The following LRRIQ1 variants were observed in gnomAD, a reference collection of about 807,000 sequenced individuals.
LRRIQ1 encodes leucine-rich repeat- and IQ domain-containing protein 1.
Under a neutral mutation model 211.9 loss-of-function variants are expected in LRRIQ1, and 210 were observed. The ratio of observed to expected loss-of-function variants is 0.99; its 90% confidence interval spans 0.89 to 1.11. LRRIQ1 has a LOEUF of 1.11. LRRIQ1 is among the 50% of genes most tolerant of loss of function. The probability of loss-of-function intolerance (pLI) is 0.00; values close to 1 mark genes in which losing one functional copy is unlikely to be tolerated. For missense variants in LRRIQ1, 2,136 were observed against 1,939.5 expected (o/e 1.10, Z -1.90); for synonymous variants, 699 against 650.1 (o/e 1.08, Z -1.14).
intron 24 of LRRIQ1, among the ~76,000 whole-genome samples, chr12:85,195,909 T>C (rs1460306898): frequency 6.6e-6 from 1 of 151,536 alleles, no homozygotes; most frequent in South Asian, 2.1e-4. Context: ...GACGACGTGA[T>C]TGTATATCTA....
At chr12:85,145,697 C>T (rs912210000) in intron 19 of LRRIQ1, among the ~76,000 whole-genome samples, 16 of 151,764 alleles carry the variant, frequency 1.1e-4, no homozygotes, top group South Asian at 8.3e-4. Flanking sequence ...GTCTTCTAAA[C>T]GGCTGTTAGC....
chr12:85,233,131 TA>T lies in LRRIQ1; in HGVS notation c.5016+381del, dbSNP rs1895024866. The T allele has an allele frequency of 1.4e-5, 3 of 218,780 alleles. No individual in the cohort carries two copies. In the South Asian group the frequency reaches 2.0e-4, roughly 15 times the overall value. 13.6% of individuals were successfully genotyped at this position (218,780 alleles called of 1,614,324 possible). A position where few individuals can be genotyped will look rare whatever the true frequency, so the allele number is the denominator to read the frequency against. ...TCATTACTCAGAAAATCCAACCATATAAAAAATTAACAAATAATTGTGAGCT... is the reference window on the plus strand; with the variant it reads ...TCATTACTCAGAAAATCCAACCATATAAAAATTAACAAATAATTGTGAGCT... On this transcript the variant is annotated intron_variant, in intron 26 of 26. Transcript: ENST00000393217.
chr12:85,039,759 T>C lies in LRRIQ1; in HGVS notation c.133-731T>C, dbSNP rs113207293. 3.9e-3 allele frequency among the ~76,000 whole-genome samples: 591 copies of C among 151,734 alleles called. 3 individuals carry two copies. Among genetic ancestry groups the C allele is most frequent in the African/African-American group, 0.013 (560 of 41,544 alleles). On this transcript the variant is annotated intron_variant, in intron 2 of 26. Coordinates refer to ENST00000393217, the MANE Select transcript of LRRIQ1 (RefSeq NM_001079910.2). Reference sequence around the variant, plus strand: ...TATAGAAGCATTTATATCGTTTCATTGATGCCATGCTTGAGGTCCCTCAGT... The same window carrying C: ...TATAGAAGCATTTATATCGTTTCATCGATGCCATGCTTGAGGTCCCTCAGT...
intron 18 of LRRIQ1, among the ~76,000 whole-genome samples, chr12:85,135,007 A>G (rs998725743): frequency 2.6e-5 from 4 of 152,006 alleles, no homozygotes; most frequent in South Asian, 2.1e-4. Flanking sequence ...AATAACAATT[A>G]TTTTTCACTA....
chr12:85,195,005 C>G (rs1892818230), intron 24 of LRRIQ1, among the ~76,000 whole-genome samples: 1 of 152,004 alleles, frequency 6.6e-6, no homozygotes, highest in African/African-American at 2.4e-5. Flanking sequence ...ACCACCGATC[C>G]CACAGAAATA....
intron 3 of LRRIQ1, among the ~76,000 whole-genome samples, chr12:85,044,437 A>G (rs1592687941): frequency 6.6e-6 from 1 of 152,096 alleles, no homozygotes; most frequent in African/African-American, 2.4e-5. Flanking sequence ...CAAGCCAGGC[A>G]TGATCCTTTT....
intron 11 of LRRIQ1, among the ~76,000 whole-genome samples, chr12:85,083,275 C>T (rs1884483519): frequency 6.6e-6 from 1 of 152,064 alleles, no homozygotes; most frequent in Non-Finnish European, 1.5e-5. Context: ...TCTCTCTTTG[C>T]TTGCCATATT....
intron 26 of LRRIQ1, among the ~76,000 whole-genome samples, chr12:85,233,845 T>G (rs1895061695): frequency 6.6e-6 from 1 of 152,154 alleles, no homozygotes. Context: ...CACATATTAT[T>G]GATTAACACT....
At chr12:85,135,315 G>GT (rs895753971) in intron 18 of LRRIQ1, among the ~76,000 whole-genome samples, 4,552 of 146,478 alleles carry the variant, frequency 0.031, 90 homozygotes, top group Non-Finnish European at 0.048. Context: ...TCTGATTCAG[G>GT]TTTTTTTTTT....
chr12:85,209,470 G>C (rs1893731491), intron 24 of LRRIQ1, among the ~76,000 whole-genome samples: 1 of 152,182 alleles, frequency 6.6e-6, no homozygotes, highest in South Asian at 2.1e-4. Context: ...GGGATTATGG[G>C]AACTACAATT....
Position 85,217,506 on chromosome 12 carries a change from ATATGTGTGTGTGTGTG to A in LRRIQ1, c.4823-12009_4823-11994del, listed in dbSNP as rs1213359677. ...TATATATATATGTATATATATATAT[ATATGTGTGTGTGTGTG>A]TGTGTGTGTGTGTGTGTGTGTGTGT... On this transcript the variant is annotated intron_variant, in intron 24 of 26. Transcript: ENST00000393217. 5.1e-3 allele frequency among the ~76,000 whole-genome samples: 355 copies of A among 69,710 alleles called. 1 individual carries two copies. Among genetic ancestry groups the A allele is most frequent in the African/African-American group, 0.023 (172 of 7,494 alleles). The allele number at this position is 69,710 out of a possible 152,430, so 45.7% of individuals were successfully genotyped here.
intron 24 of LRRIQ1, among the ~76,000 whole-genome samples, chr12:85,217,510 G>GTATATATATATATATA (rs1894174511): frequency 2.5e-5 from 1 of 39,922 alleles, no homozygotes; most frequent in Non-Finnish European, 4.2e-5. Context: ...ATATATATAT[G>GTATATATATATATATA]TGTGTGTGTG....
chr12:85,147,991 T>G (rs1482059415), intron 19 of LRRIQ1, among the ~76,000 whole-genome samples: 1 of 151,666 alleles, frequency 6.6e-6, no homozygotes, highest in Non-Finnish European at 1.5e-5. Context: ...AAACCAGAAG[T>G]GATGTCTCCA....
chr12:85,105,500 G>C (rs1008684753), intron 14 of LRRIQ1, among the ~76,000 whole-genome samples: 1 of 151,658 alleles, frequency 6.6e-6, no homozygotes, highest in African/African-American at 2.4e-5. Context: ...TTTACATTTT[G>C]TTTTCTTTGG....
chr12:85,105,227 C>T (rs1041783918), intron 14 of LRRIQ1, among the ~76,000 whole-genome samples: 18 of 151,848 alleles, frequency 1.2e-4, no homozygotes, highest in East Asian at 1.9e-4. Context: ...TTAATTTTTT[C>T]GTTATTTTTG....
intron 24 of LRRIQ1, among the ~76,000 whole-genome samples, chr12:85,199,121 C>A (rs1371833450): frequency 6.6e-6 from 1 of 151,832 alleles, no homozygotes; most frequent in Non-Finnish European, 1.5e-5. Flanking sequence ...TTTAATTAGG[C>A]CCCATTTATT....
chr12:85,177,376 G>T (rs1456013135), intron 24 of LRRIQ1, among the ~76,000 whole-genome samples: 2 of 152,078 alleles, frequency 1.3e-5, no homozygotes, highest in African/African-American at 2.4e-5. Flanking sequence ...TAACACAAAT[G>T]AGTAAAGGTC....
intron 11 of LRRIQ1, among the ~76,000 whole-genome samples, chr12:85,084,652 A>G (rs1438389458): frequency 6.6e-6 from 1 of 152,112 alleles, no homozygotes; most frequent in African/African-American, 2.4e-5. Context: ...GAGGCTGGGC[A>G]TGGTGGCTCA....
At chr12:85,223,281 A>G (rs999438915) in intron 24 of LRRIQ1, among the ~76,000 whole-genome samples, 32 of 152,118 alleles carry the variant, frequency 2.1e-4, no homozygotes, top group Non-Finnish European at 4.4e-4. Context: ...ACTGACTCCT[A>G]GGTACTTGTA....
Sources: gnomAD v4.1 joint callset for allele counts (sites outside exome capture counted in the v4.1 genomes callset) on GRCh38, gnomAD v4.1.1 for gene constraint, MANE v1.5 for transcripts, NCBI Gene and HGNC (gene_info 2026-07-23, HGNC 2026-07-21) for gene names.